The following FGF12 variants were observed in gnomAD, a reference collection of about 807,000 sequenced individuals.
FGF12 encodes the protein fibroblast growth factor 12.
A neutral mutation model predicts 23.6 loss-of-function variants in FGF12; 14 were observed. The observed-to-expected ratio is 0.59, with a 90% CI of 0.39 to 0.93. FGF12 has a LOEUF of 0.93. FGF12 is among the 40% of genes least tolerant of loss of function. FGF12 has a pLI of 0.00. For missense variants in FGF12, 175 were observed against 217.8 expected, an observed-to-expected ratio of 0.80 and a Z score of 1.24; for synonymous variants, 62 against 77.3, an observed-to-expected ratio of 0.80 and a Z score of 1.04.
At chr3:192,267,274 G>A (rs1015711194) in intron 4 of FGF12, 19 of 152,076 alleles carry the variant, frequency 1.2e-4, no homozygotes, top group African/African-American at 4.6e-4. Flanking sequence ...GCATCTCCAG[G>A]AAGAACCCCA....
rs539578202 is a variant in FGF12, at chr3:192,283,756, A to C, written c.228+51605T>G. ...ATGTAAAAAATGAATAGGGCTATTT[A>C]GGTTTAAAAGGTGGTGGGAGAGTGG... On this transcript the variant is annotated intron_variant, in intron 4 of 5. Transcript: ENST00000445105. Among the ~76,000 whole-genome samples the C allele has an allele frequency of 1.1e-4, 16 of 152,180 alleles. No homozygotes were observed. The East Asian group carries it at 2.3e-3, about 22-fold the overall frequency.
chr3:192,233,726 T>C (rs897575925), intron 4 of FGF12, among the ~76,000 whole-genome samples: 1 of 152,132 alleles, frequency 6.6e-6, no homozygotes, highest in African/African-American at 2.4e-5. Flanking sequence ...TTGTATATGG[T>C]AGAAGGAAGT....
rs112460098 is a variant in FGF12, at chr3:192,686,390, C to T, written c.13+40791G>A. 3.7e-3 allele frequency among the ~76,000 whole-genome samples: 567 copies of T among 152,194 alleles called. 2 individuals are homozygous for T. The highest frequency in any genetic ancestry group is 0.012 in the African/African-American group (508 of 41,538). Reference sequence around the variant, plus strand: ...TGTATGATCTTAGCGAGGAGAGTCACTGAAGTCAATGGAAGACATCCCACA... The same window carrying T: ...TGTATGATCTTAGCGAGGAGAGTCATTGAAGTCAATGGAAGACATCCCACA... On this transcript the variant is annotated intron_variant, in intron 2 of 5. Coordinates refer to ENST00000445105, the MANE Select transcript of FGF12 (RefSeq NM_004113.6).
intron 4 of FGF12, among the ~76,000 whole-genome samples, chr3:192,237,447 C>A (rs1293888037): frequency 1.3e-5 from 2 of 152,184 alleles, no homozygotes; most frequent in South Asian, 4.1e-4. Flanking sequence ...TGCTTGTTCT[C>A]TTTCCATCTC....
At chr3:192,669,368 A>AAGC (rs1247492273) in intron 2 of FGF12, among the ~76,000 whole-genome samples, 1 of 152,030 alleles carries the variant, frequency 6.6e-6, no homozygotes, top group Non-Finnish European at 1.5e-5. Flanking sequence ...TGGGCGGATC[A>AAGC]TGAAGTCAAG....
intron 4 of FGF12, among the ~76,000 whole-genome samples, chr3:192,269,256 T>C (rs1466200108): frequency 6.6e-6 from 1 of 152,186 alleles, no homozygotes; most frequent in Admixed American, 6.6e-5. Context: ...AGCCACCCAC[T>C]AGAACATAAA....
At chr3:192,344,243 T>C (rs13076486) in intron 3 of FGF12, among the ~76,000 whole-genome samples, 4 of 152,208 alleles carry the variant, frequency 2.6e-5, no homozygotes, top group African/African-American at 9.6e-5. Context: ...GTGTTGTCAG[T>C]GTTTTTGTTC....
At chr3:192,700,400 C>T (rs1471536255) in intron 2 of FGF12, among the ~76,000 whole-genome samples, 1 of 152,090 alleles carries the variant, frequency 6.6e-6, no homozygotes, top group African/African-American at 2.4e-5. Flanking sequence ...TAGAATTTTA[C>T]TTAGCAATAA....
chr3:192,659,455 C>T (rs1422385434), intron 2 of FGF12, among the ~76,000 whole-genome samples: 2 of 152,292 alleles, frequency 1.3e-5, no homozygotes, highest in East Asian at 1.9e-4. Context: ...GTCGCTCCCA[C>T]TGTGTAGCTC....
At chr3:192,156,168 T>G (rs1308262120) in intron 5 of FGF12, among the ~76,000 whole-genome samples, 2 of 152,228 alleles carry the variant, frequency 1.3e-5, no homozygotes, top group African/African-American at 4.8e-5. Context: ...GTTCTTATGA[T>G]AAGCAGTAAT....
intron 4 of FGF12, among the ~76,000 whole-genome samples, chr3:192,247,355 C>G (rs1577277228): frequency 6.6e-6 from 1 of 152,088 alleles, no homozygotes; most frequent in Non-Finnish European, 1.5e-5. Flanking sequence ...GCCCTTCTAC[C>G]TGGCTAAAAA....
intron 4 of FGF12, among the ~76,000 whole-genome samples, chr3:192,179,041 A>AT (rs1460441331): frequency 2.0e-5 from 3 of 152,168 alleles, no homozygotes; most frequent in Non-Finnish European, 4.4e-5. Context: ...CCTTGCTATA[A>AT]TAGCTGCTAC....
At chr3:192,598,804 T>C (rs1417005738) in intron 2 of FGF12, among the ~76,000 whole-genome samples, 1 of 152,168 alleles carries the variant, frequency 6.6e-6, no homozygotes, top group Non-Finnish European at 1.5e-5. Context: ...GGATTAGCTA[T>C]ACACTTTCCT....
At position 192,408,263 on chromosome 3, in the gene FGF12, G is replaced by A. The variant is rs751922772; in HGVS notation, c.14-47725C>T. 6 of 1,533,838 alleles carry A rather than the reference G, an allele frequency of 3.9e-6. No homozygotes were observed. The highest frequency in any genetic ancestry group is 2.4e-5 in the South Asian group (2 of 82,358). On this transcript the variant is annotated intron_variant, in intron 2 of 5. Transcript: ENST00000445105. The surrounding 1 kb of genome is among the most constrained non-coding windows in gnomAD (Gnocchi z 7.3). ...GGCCTCAGGCCCCAGCCTCTACTGC[G>A]CCCTCCGGCTTGCGCTCCGCCGGGG...
chr3:192,583,632 T>C (rs1044336938), intron 2 of FGF12, among the ~76,000 whole-genome samples: 12 of 152,310 alleles, frequency 7.9e-5, no homozygotes, highest in Middle Eastern at 6.8e-3. Context: ...TCAGACCCCC[T>C]GACTTCATCC....
intron 2 of FGF12, among the ~76,000 whole-genome samples, chr3:192,489,709 T>G (rs929192333): frequency 2.6e-5 from 4 of 152,004 alleles, no homozygotes; most frequent in Non-Finnish European, 4.4e-5. Context: ...TATCTGGAAC[T>G]GCAACAACTA....
At chr3:192,528,296 G>A (rs182032073) in intron 2 of FGF12, among the ~76,000 whole-genome samples, 8 of 152,296 alleles carry the variant, frequency 5.3e-5, no homozygotes, top group African/African-American at 1.2e-4. Flanking sequence ...ATGTAAGTCC[G>A]AAATCCAGTG....
chr3:192,418,087 G>A (rs1721409427), intron 2 of FGF12, among the ~76,000 whole-genome samples: 1 of 151,996 alleles, frequency 6.6e-6, no homozygotes, highest in Admixed American at 6.6e-5. Flanking sequence ...TCCAAAGAGT[G>A]AACTATATCA....
intron 2 of FGF12, among the ~76,000 whole-genome samples, chr3:192,578,293 G>A (rs574933830): frequency 6.6e-6 from 1 of 152,220 alleles, no homozygotes; most frequent in South Asian, 2.1e-4. Flanking sequence ...CTGTCGATAG[G>A]TACTATTATT....
Sources: allele counts gnomAD v4.1 joint callset (sites outside exome capture counted in the v4.1 genomes callset), GRCh38; gene constraint gnomAD v4.1.1; non-coding constraint Gnocchi (gnomAD v3.1); transcripts MANE v1.5; gene names NCBI Gene and HGNC (gene_info 2026-07-23, HGNC 2026-07-21).